XIRP2: variants seen among roughly 807,000 people sequenced by gnomAD.
XIRP2 encodes the protein xin actin-binding repeat-containing protein 2.
In XIRP2, 236 loss-of-function variants were observed where a neutral mutation model predicts 277.0. The ratio of observed to expected loss-of-function variants is 0.85; its 90% CI spans 0.77 to 0.95. XIRP2 has a LOEUF of 0.95. Ranked by LOEUF, XIRP2 falls within the 40% of genes least tolerant of loss-of-function variation. The pLI is 0.00. For missense variants in XIRP2, 4,640 were observed against 4,157.5 expected, an observed-to-expected ratio of 1.12 and a Z score of -3.19; for synonymous variants, 1,490 against 1,416.5, an observed-to-expected ratio of 1.05 and a Z score of -1.17.
rs140418244 is a variant in XIRP2, at chr2:166,953,218, T to G, written c.408+49328T>G. 1.0e-3 allele frequency among the ~76,000 whole-genome samples: 155 copies of G among 152,062 alleles called. 1 individual carries two copies. The highest frequency in any genetic ancestry group is 3.4e-3 in the African/African-American group (142 of 41,536). ...AGAGCCCAGGATACCACTATTGTGTTGATATGGTTTGGCTGTTTCCCCACC... is the reference window on the plus strand; with the variant it reads ...AGAGCCCAGGATACCACTATTGTGTGGATATGGTTTGGCTGTTTCCCCACC... On this transcript the variant is annotated intron_variant, in intron 2 of 10. Transcript: ENST00000409195.
At chr2:167,135,543 T>C (rs17616439) in intron 2 of XIRP2, among the ~76,000 whole-genome samples, 11,362 of 152,128 alleles carry the variant, frequency 0.075, 499 homozygotes, top group South Asian at 0.18. Context: ...TGTTTTTACA[T>C]TGCCATTTTT....
chr2:167,210,606 A>C, intron 3 of XIRP2, 129 bp from the exon 4 acceptor site: 1 of 1,260,606 alleles, frequency 7.9e-7, no homozygotes, highest in Non-Finnish European at 1.1e-6. Flanking sequence ...GAGACATTGA[A>C]AATATTGTGA....
chr2:167,077,380 T>G (rs1174316113), intron 2 of XIRP2, among the ~76,000 whole-genome samples: 1 of 152,128 alleles, frequency 6.6e-6, no homozygotes, highest in Non-Finnish European at 1.5e-5. Context: ...AACAAATAAT[T>G]TTTAAGAACC....
chr2:167,234,040 A>G (rs1694832361), intron 5 of XIRP2, among the ~76,000 whole-genome samples: 1 of 151,586 alleles, frequency 6.6e-6, no homozygotes, highest in Non-Finnish European at 1.5e-5. Context: ...GAATCTTCAG[A>G]ATTTTGGGCC....
intron 5 of XIRP2, among the ~76,000 whole-genome samples, chr2:167,225,265 G>A (rs1412218763): frequency 6.6e-6 from 1 of 152,126 alleles, no homozygotes; most frequent in African/African-American, 2.4e-5. Flanking sequence ...GGTAGGAGAG[G>A]AAAAGCTATG....
At chr2:166,946,048 C>A (rs1685854236) in intron 2 of XIRP2, among the ~76,000 whole-genome samples, 1 of 152,110 alleles carries the variant, frequency 6.6e-6, no homozygotes, top group Admixed American at 6.6e-5. Flanking sequence ...GCAATTTAAA[C>A]TTTGGTTATC....
chr2:167,223,102 T>C (rs1694479208), intron 5 of XIRP2, among the ~76,000 whole-genome samples: 1 of 152,222 alleles, frequency 6.6e-6, no homozygotes, highest in Non-Finnish European at 1.5e-5. Context: ...TTTCATCTTC[T>C]TAAGTGAATT....
Position 166,903,562 on chromosome 2 carries a change from A to T in XIRP2, c.80A>T (p.His27Leu). Residue 27 changes from histidine to leucine, a missense_variant, in exon 2 of 11, where the codon CAT becomes CTT. Physicochemically the swap from His to Leu is moderately conservative, Grantham distance 99 (BLOSUM62 -3). Coordinates refer to ENST00000409195, the MANE Select transcript of XIRP2 (RefSeq NM_152381.6). ...ESCDYQRSEC[H>L]PRDSHCTIFQ... ...TGTGATTATCAGAGAAGTGAGTGTC[A>T]TCCCAGGGACAGCCATTGTACAATT... The T allele has an allele frequency of 1.2e-6, 2 of 1,613,618 alleles. No individual in the cohort carries two copies.
At chr2:167,044,537 C>T (rs1224198837) in intron 2 of XIRP2, among the ~76,000 whole-genome samples, 1 of 152,076 alleles carries the variant, frequency 6.6e-6, no homozygotes, top group African/African-American at 2.4e-5. Flanking sequence ...ATAGTCTCAG[C>T]CCAAAGGCTC....
chr2:167,039,786 T>C (rs1219250983), intron 2 of XIRP2, among the ~76,000 whole-genome samples: 1 of 152,246 alleles, frequency 6.6e-6, no homozygotes, highest in Non-Finnish European at 1.5e-5. Flanking sequence ...GCACATATGC[T>C]GATTTTAAAC....
In XIRP2 at chr2:166,916,221, A is replaced by T. The variant is rs563252288; in HGVS notation, c.408+12331A>T. On this transcript the variant is annotated intron_variant, in intron 2 of 10. Coordinates refer to ENST00000409195, the MANE Select transcript of XIRP2 (RefSeq NM_152381.6). Reference sequence around the variant, plus strand: ...CATGGCTTACATTTTGGCTTCCACTACATAAAATCATTTCATTAGATGCTA... The same window carrying T: ...CATGGCTTACATTTTGGCTTCCACTTCATAAAATCATTTCATTAGATGCTA... Among the ~76,000 whole-genome samples the T allele has an allele frequency of 9.2e-5, 14 of 152,314 alleles. No homozygotes were observed. The South Asian group carries it at 1.9e-3, about 20-fold the overall frequency.
At chr2:167,065,987 A>G (rs1180188458) in intron 2 of XIRP2, among the ~76,000 whole-genome samples, 1 of 151,950 alleles carries the variant, frequency 6.6e-6, no homozygotes, top group Non-Finnish European at 1.5e-5. Flanking sequence ...ATGCAATTTG[A>G]TGAGTTTGGA....
chr2:166,904,987 A>G (rs550125527), intron 2 of XIRP2, among the ~76,000 whole-genome samples: 1 of 151,998 alleles, frequency 6.6e-6, no homozygotes, highest in South Asian at 2.1e-4. Flanking sequence ...AAATCAAGTA[A>G]CTCTAATTTG....
chr2:167,229,772 A>T (rs554364382), intron 5 of XIRP2, among the ~76,000 whole-genome samples: 1 of 152,244 alleles, frequency 6.6e-6, no homozygotes, highest in African/African-American at 2.4e-5. Flanking sequence ...AAAAAGTAAG[A>T]GACATTAAGA....
intron 2 of XIRP2, among the ~76,000 whole-genome samples, chr2:167,085,073 G>T (rs1177202049): frequency 7.8e-6 from 1 of 128,056 alleles, no homozygotes; most frequent in Admixed American, 8.4e-5. Context: ...TTCTCTTGTG[G>T]GCATTTAGTG....
chr2:167,039,534 G>A (rs1280671805), intron 2 of XIRP2, among the ~76,000 whole-genome samples: 2 of 152,124 alleles, frequency 1.3e-5, no homozygotes, highest in East Asian at 1.9e-4. Flanking sequence ...TAGCTAAGTG[G>A]TTGAAGCAGA....
At chr2:167,188,907 A>G (rs1381759012) in intron 3 of XIRP2, among the ~76,000 whole-genome samples, 1 of 152,232 alleles carries the variant, frequency 6.6e-6, no homozygotes, top group Non-Finnish European at 1.5e-5. Context: ...TAATGATCTC[A>G]GAGGCTTCAC....
chr2:167,181,019 T>C (rs1478727847), intron 3 of XIRP2, among the ~76,000 whole-genome samples: 1 of 152,250 alleles, frequency 6.6e-6, no homozygotes, highest in Non-Finnish European at 1.5e-5. Flanking sequence ...TGTGTAAACT[T>C]CCTTTTGTAT....
chr2:166,912,023 T>G (rs1435422887), intron 2 of XIRP2, among the ~76,000 whole-genome samples: 1 of 152,168 alleles, frequency 6.6e-6, no homozygotes, highest in Non-Finnish European at 1.5e-5. Flanking sequence ...CGACCTTTCT[T>G]TCTGTCTGCC....
Sources: allele counts gnomAD v4.1 joint callset (sites outside exome capture counted in the v4.1 genomes callset), GRCh38; gene constraint gnomAD v4.1.1; transcripts MANE v1.5; gene names NCBI Gene and HGNC (gene_info 2026-07-23, HGNC 2026-07-21).